NAA11: variants seen among roughly 807,000 people sequenced by gnomAD.
NAA11 encodes N-alpha-acetyltransferase 11, NatA catalytic subunit.
NAA11 carries 15 observed loss-of-function variants against 16.1 expected under a neutral mutation model. That is an observed-to-expected ratio of 0.93 (90% CI 0.62 to 1.44). The LOEUF (loss-of-function observed/expected upper bound fraction) is 1.44, where lower values mean the gene tolerates loss of function less well. Among genes scored for constraint, NAA11 ranks in the 40% most tolerant of loss-of-function variants. The pLI, the probability that NAA11 is intolerant of heterozygous loss-of-function variation, is 0.00. For missense variants in NAA11, 298 were observed against 291.3 expected (o/e 1.02, Z -0.17); for synonymous variants, 122 against 112.4 (o/e 1.09, Z -0.54).
chr4:79,199,005 TATG>T, the NAA11 span, among the ~76,000 whole-genome samples: 1 of 151,944 alleles, frequency 6.6e-6, no homozygotes, highest in Non-Finnish European at 1.5e-5. Flanking sequence ...GTGTAACTAA[TATG>T]ATCTCATATT....
At chr4:79,156,329 GTA>G in the NAA11 span, among the ~76,000 whole-genome samples, 3 of 149,278 alleles carry the variant, frequency 2.0e-5, no homozygotes, top group African/African-American at 2.5e-5. Flanking sequence ...GTGTGTGTGT[GTA>G]TATATATATA....
At chr4:79,175,791 C>G in the NAA11 span, among the ~76,000 whole-genome samples, 770 of 149,256 alleles carry the variant, frequency 5.2e-3, 7 homozygotes, top group Middle Eastern at 0.01. Flanking sequence ...TTATTCTTCT[C>G]TCTTATAAGT....
At chr4:79,234,953 A>C (rs527568469) in intron 2 of NAA11, among the ~76,000 whole-genome samples, 1 of 152,088 alleles carries the variant, frequency 6.6e-6, no homozygotes, top group Non-Finnish European at 1.5e-5. Flanking sequence ...ATCACATAGC[A>C]TTGTGAGACA....
chr4:79,296,930 C>G (rs1252398760), intron 1 of NAA11, among the ~76,000 whole-genome samples: 1 of 152,202 alleles, frequency 6.6e-6, no homozygotes, highest in Non-Finnish European at 1.5e-5. Context: ...CAGCGGCAGA[C>G]CATCCAGAGC....
At chr4:79,210,192 T>C in the NAA11 span, among the ~76,000 whole-genome samples, 4 of 151,874 alleles carry the variant, frequency 2.6e-5, 1 homozygote, top group African/African-American at 9.7e-5. Flanking sequence ...GGTGGCGGGA[T>C]TGGAGCTAGT....
chr4:79,310,763 G>A (rs754415808), intron 1 of NAA11, among the ~76,000 whole-genome samples: 4 of 152,162 alleles, frequency 2.6e-5, no homozygotes, highest in Admixed American at 2.0e-4. Context: ...AAGTCTGCCA[G>A]TTATTAATAA....
At position 79,254,750 on chromosome 4, in the gene NAA11, GT is replaced by G. The variant is rs1722069803; in HGVS notation, c.*123-28481del. 8.0e-5 allele frequency among the ~76,000 whole-genome samples: 12 copies of G among 150,224 alleles called. No individual in the cohort carries two copies. The South Asian group carries it at 2.5e-3, about 31-fold the overall frequency. On this transcript the variant is annotated intron_variant and NMD_transcript_variant, in intron 2 of 2. Coordinates refer to the NAA11 transcript ENST00000511542. ...TAGGGTACATGTGCACAACATGAAG[GT>G]TTGTTATTGATGAAGAAAATATATA...
At chr4:79,210,770 A>C in the NAA11 span, among the ~76,000 whole-genome samples, 2 of 152,190 alleles carry the variant, frequency 1.3e-5, no homozygotes, top group African/African-American at 4.8e-5. Context: ...AAAAAGAAAA[A>C]TAAAAAAAAG....
chr4:79,161,678 G>GTTT, the NAA11 span, among the ~76,000 whole-genome samples: 1 of 143,086 alleles, frequency 7.0e-6, no homozygotes, highest in Non-Finnish European at 1.5e-5. Context: ...CTTTTACTTA[G>GTTT]TTTTTTTTTT....
chr4:79,156,191 A>T, the NAA11 span, among the ~76,000 whole-genome samples: 1 of 152,164 alleles, frequency 6.6e-6, no homozygotes, highest in South Asian at 2.1e-4. Flanking sequence ...ATTTGTAGTA[A>T]AACCCACATA....
rs1351345020 is a variant in NAA11, at chr4:79,268,905, T to C, written c.*122+25100A>G. 2.6e-4 allele frequency among the ~76,000 whole-genome samples: 33 copies of C among 127,804 alleles called. No individual in the cohort carries two copies. In the East Asian group the frequency reaches 6.5e-3, roughly 25 times the overall value. The allele number at this position is 127,804 out of a possible 152,430, so 83.8% of individuals were successfully genotyped here. On this transcript the variant is annotated intron_variant and NMD_transcript_variant, in intron 2 of 2. Coordinates refer to the NAA11 transcript ENST00000511542. ...TGTGATATTCCCCTTCCTGTGTCCA[T>C]GTGATCTCATTGTTCAATTCCCACC...
chr4:79,255,370 A>G (rs1722085435), intron 2 of NAA11, among the ~76,000 whole-genome samples: 1 of 152,136 alleles, frequency 6.6e-6, no homozygotes, highest in Non-Finnish European at 1.5e-5. Flanking sequence ...CTGTATTACT[A>G]TCAGTAATAC....
At chr4:79,200,411 G>T in the NAA11 span, among the ~76,000 whole-genome samples, 1 of 151,738 alleles carries the variant, frequency 6.6e-6, no homozygotes, top group Non-Finnish European at 1.5e-5. Flanking sequence ...ATTCAGCAAT[G>T]AATCATCCAT....
chr4:79,161,587 T>C, the NAA11 span, among the ~76,000 whole-genome samples: 4 of 152,214 alleles, frequency 2.6e-5, no homozygotes, highest in Non-Finnish European at 4.4e-5. Context: ...TGGGATTGCA[T>C]TGAATCTGTG....
At chr4:79,272,407 A>G (rs891057835) in intron 2 of NAA11, among the ~76,000 whole-genome samples, 1 of 152,068 alleles carries the variant, frequency 6.6e-6, no homozygotes. Flanking sequence ...AAAACTAAGT[A>G]CAGTGATTTG....
At chr4:79,312,544 G>A (rs1723804276), downstream of NAA11, among the ~76,000 whole-genome samples, 1 of 150,822 alleles carries the variant, frequency 6.6e-6, no homozygotes, top group Non-Finnish European at 1.5e-5. Flanking sequence ...TCAGCTACTC[G>A]GGAGGCTGAG....
intron 2 of NAA11, among the ~76,000 whole-genome samples, chr4:79,233,693 G>A (rs1233388364): frequency 1.3e-5 from 2 of 151,920 alleles, no homozygotes; most frequent in Non-Finnish European, 2.9e-5. Context: ...TTTGCCTCTG[G>A]TATATAAAAT....
chr4:79,305,122 G>A (rs1723536391), intron 1 of NAA11: 1 of 152,294 alleles, frequency 6.6e-6, no homozygotes, highest in African/African-American at 2.4e-5. Context: ...GGTTCTTCAT[G>A]TAGAGAATGC....
At chr4:79,228,669 G>T (rs1217697154) in intron 2 of NAA11, among the ~76,000 whole-genome samples, 4 of 151,946 alleles carry the variant, frequency 2.6e-5, no homozygotes, top group African/African-American at 9.7e-5. Context: ...TTGCTGAGGA[G>T]TACCCATTGT....
Sources: allele counts gnomAD v4.1 joint callset (sites outside exome capture counted in the v4.1 genomes callset), GRCh38; gene constraint gnomAD v4.1.1; transcripts MANE v1.5; gene names NCBI Gene and HGNC (gene_info 2026-07-23, HGNC 2026-07-21).